LEMD3: variants seen among roughly 807,000 people sequenced by gnomAD.
LEMD3 encodes LEM domain containing 3, also known as inner nuclear membrane protein Man1.
Under a neutral mutation model 95.2 loss-of-function variants are expected in LEMD3, and 33 were observed. That is an observed-to-expected ratio of 0.35 (90% confidence interval 0.26 to 0.46). The LOEUF (loss-of-function observed/expected upper bound fraction) is 0.46, where lower values mean the gene tolerates loss of function less well. LEMD3 is among the 20% of genes least tolerant of loss of function. LEMD3 has a pLI of 1.00. For synonymous variants in LEMD3, 525 were observed against 474.6 expected (o/e 1.11, Z -1.38); for missense variants, 1,210 against 1,192.8 (o/e 1.01, Z -0.21).
chr12:65,172,660 A>G (rs1868589332), intron 1 of LEMD3, among the ~76,000 whole-genome samples: 1 of 152,126 alleles, frequency 6.6e-6, no homozygotes, highest in Non-Finnish European at 1.5e-5. Context: ...AAATTAAATG[A>G]CATTACCTAT....
Position 65,169,860 on chromosome 12 carries a change from G to A in LEMD3, c.264G>A (p.Gly88=), listed in dbSNP as rs1868457246. 3 of 1,462,318 alleles carry A rather than the reference G, an allele frequency of 2.1e-6. No homozygotes were observed. The highest frequency in any genetic ancestry group is 2.7e-6 in the Non-Finnish European group (3 of 1,106,254). The allele number at this position is 1,462,318 out of a possible 1,614,324, so 90.6% of individuals were successfully genotyped here. A position where few individuals can be genotyped will look rare whatever the true frequency, so the allele number is the denominator to read the frequency against. ...GACCAGCGGCGGCGGCGGCCGCGGG[G>A]ATGGGGGTCCGGCCGGTCTCGGGCG... ...AAGPAAAAAA[G]MGVRPVSGDL... is the part of the protein sequence containing the mutation. Residue 88 remains glycine (G), a synonymous_variant, in exon 1 of 13, where the codon GGG becomes GGA. Transcript: ENST00000308330.
chr12:65,177,005 A>T (rs1266634589), intron 1 of LEMD3, among the ~76,000 whole-genome samples: 1 of 152,224 alleles, frequency 6.6e-6, no homozygotes, highest in African/African-American at 2.4e-5. Context: ...CCTCCACACC[A>T]CTAATAACAG....
At chr12:65,245,357 T>TCTCGATC (rs1871073385) in intron 10 of LEMD3, 1 of 299,956 alleles carries the variant, frequency 3.3e-6, no homozygotes, top group African/African-American at 2.2e-5. Context: ...GTCAGGATGG[T>TCTCGATC]CTCGATCTCC....
intron 4 of LEMD3, among the ~76,000 whole-genome samples, chr12:65,224,584 C>G (rs1234488859): frequency 6.6e-6 from 1 of 151,790 alleles, no homozygotes. Context: ...TTATTTCACT[C>G]TCTCCTGCTT....
chr12:65,192,042 A>G (rs1592436793), intron 1 of LEMD3, among the ~76,000 whole-genome samples: 1 of 151,990 alleles, frequency 6.6e-6, no homozygotes, highest in East Asian at 1.9e-4. Context: ...CACTTGAAGT[A>G]ATACCTACTG....
intron 1 of LEMD3, among the ~76,000 whole-genome samples, chr12:65,192,904 TA>T (rs1330598382): frequency 6.6e-6 from 1 of 152,206 alleles, no homozygotes; most frequent in Non-Finnish European, 1.5e-5. Context: ...TATTATAACA[TA>T]AAACAAAGCT....
intron 1 of LEMD3, among the ~76,000 whole-genome samples, chr12:65,175,579 C>A (rs1438746850): frequency 3.3e-5 from 5 of 152,158 alleles, no homozygotes; most frequent in African/African-American, 4.8e-5. Flanking sequence ...AAACTTTCTC[C>A]TTTCTAAGCT....
chr12:65,238,494 C>T lies in LEMD3; in HGVS notation c.1696-8C>T. 1 of 1,541,376 alleles carries T rather than the reference C, an allele frequency of 6.5e-7. No individual in the cohort carries two copies. The highest frequency in any genetic ancestry group is 9.0e-7 in the Non-Finnish European group (1 of 1,114,896). On this transcript the variant is annotated splice_polypyrimidine_tract_variant and splice_region_variant and intron_variant, in intron 4 of 12. Transcript: ENST00000308330. ...AGAATAGTTATTTTTCTCTATTTTT[C>T]TTGTTAGGATTTAGGTCCTGAATAT... is the stretch of plus-strand genomic sequence containing the variant.
At chr12:65,199,769 C>A (rs1869537818) in intron 1 of LEMD3, among the ~76,000 whole-genome samples, 1 of 151,952 alleles carries the variant, frequency 6.6e-6, no homozygotes. Flanking sequence ...AAGTTGTCAC[C>A]TCCTTTGAGT....
At chr12:65,171,278 C>A in intron 1 of LEMD3, 160 bp downstream of exon 1, 1 of 1,280,014 alleles carries the variant, frequency 7.8e-7, no homozygotes, top group Non-Finnish European at 1.1e-6. Flanking sequence ...TTAAAGAACA[C>A]CATTATCGAA....
At chr12:65,242,269 C>G (rs1447992263) in intron 9 of LEMD3, among the ~76,000 whole-genome samples, 2 of 152,064 alleles carry the variant, frequency 1.3e-5, no homozygotes, top group Non-Finnish European at 2.9e-5. Context: ...TCTAGATTAT[C>G]CTCTTTTTCT....
At chr12:65,195,470 A>G (rs1869401526) in intron 1 of LEMD3, among the ~76,000 whole-genome samples, 1 of 151,626 alleles carries the variant, frequency 6.6e-6, no homozygotes, top group South Asian at 2.1e-4. Flanking sequence ...TGTTTATGAA[A>G]AAGACTGAAG....
chr12:65,221,552 G>A (rs954985814), intron 4 of LEMD3, among the ~76,000 whole-genome samples: 1 of 151,794 alleles, frequency 6.6e-6, no homozygotes, highest in Non-Finnish European at 1.5e-5. Flanking sequence ...GAAATCTTTA[G>A]GGCTTTCTAT....
At chr12:65,182,768 C>A (rs143879651) in intron 1 of LEMD3, among the ~76,000 whole-genome samples, 1 of 152,058 alleles carries the variant, frequency 6.6e-6, no homozygotes, top group Non-Finnish European at 1.5e-5. Context: ...GAATTTGAGA[C>A]GGAAAAACAT....
At position 65,170,927 on chromosome 12, in the gene LEMD3, C is replaced by T. The variant is rs569480939; in HGVS notation, c.1331C>T (p.Pro444Leu). The change falls in exon 1 of 13, where the codon CCG (proline) becomes CTG (leucine). Residue 444 changes from proline (P) to leucine (L), a missense_variant. This residue lies in a region of LEMD3 where 749 missense variants were observed against 622.9 expected (regional missense o/e 1.20). Transcript: ENST00000308330. ...HTYLKNTYNK[P>L]KLSEPEEELL... The stretch of plus-strand genomic sequence containing the variant: ...TACCTGAAAAACACATACAACAAAC[C>T]GAAGCTTTCCGAACCCGAAGAGGAA... The T allele has an allele frequency of 1.7e-5, 28 of 1,614,180 alleles. No homozygotes were observed. In the East Asian group the frequency reaches 4.7e-4, roughly 27 times the overall value.
At chr12:65,206,603 G>A (rs1024161642) in intron 1 of LEMD3, among the ~76,000 whole-genome samples, 1 of 152,108 alleles carries the variant, frequency 6.6e-6, no homozygotes, top group Non-Finnish European at 1.5e-5. Context: ...ACACTCTATA[G>A]TAGTCATGAA....
chr12:65,236,790 T>C (rs1312760194), intron 4 of LEMD3, among the ~76,000 whole-genome samples: 1 of 152,164 alleles, frequency 6.6e-6, no homozygotes, highest in African/African-American at 2.4e-5. Flanking sequence ...AGAATAATCA[T>C]ACAATGGAAT....
intron 4 of LEMD3, among the ~76,000 whole-genome samples, chr12:65,231,370 G>GTA (rs1870623434): frequency 1.3e-5 from 2 of 152,010 alleles, no homozygotes; most frequent in Non-Finnish European, 2.9e-5. Context: ...TTTTAATAAT[G>GTA]CTTATTTTTT....
intron 4 of LEMD3, among the ~76,000 whole-genome samples, chr12:65,235,798 T>C (rs1870755962): frequency 6.6e-6 from 1 of 152,184 alleles, no homozygotes; most frequent in Non-Finnish European, 1.5e-5. Context: ...TTTAAGCAGA[T>C]AGCTGTTTAG....
Sources: gnomAD v4.1 joint callset for allele counts (sites outside exome capture counted in the v4.1 genomes callset) on GRCh38, gnomAD v4.1.1 for gene constraint, gnomAD v4.1.1 regional missense constraint, MANE v1.5 for transcripts, NCBI Gene and HGNC (gene_info 2026-07-23, HGNC 2026-07-21) for gene names.